Variants in PPP6R2 observed in about 807,000 individuals in gnomAD.
The protein encoded by PPP6R2 is protein phosphatase 6 regulatory subunit 2.
In PPP6R2, 62 loss-of-function variants were observed where a neutral mutation model predicts 100.2. The observed-to-expected ratio is 0.62, with a 90% CI of 0.50 to 0.76. The LOEUF (loss-of-function observed/expected upper bound fraction) is 0.76, where lower values mean the gene tolerates loss of function less well. Among genes scored for constraint, PPP6R2 ranks in the 30% least tolerant of loss-of-function variants. PPP6R2 has a pLI of 0.00. For missense variants in PPP6R2, 1,142 were observed against 1,276.3 expected (o/e 0.89, Z 1.60); for synonymous variants, 525 against 514.7 (o/e 1.02, Z -0.27).
intron 3 of PPP6R2, among the ~76,000 whole-genome samples, chr22:50,396,982 A>G (rs1185604391): frequency 6.6e-6 from 1 of 152,110 alleles, no homozygotes. Flanking sequence ...TCTGGTGACA[A>G]ATTAGAGTTG....
chr22:50,411,085 C>G (rs1392032849), intron 4 of PPP6R2, among the ~76,000 whole-genome samples: 1 of 152,164 alleles, frequency 6.6e-6, no homozygotes, highest in Non-Finnish European at 1.5e-5. Context: ...GCCCCCACAC[C>G]CGGCCTTTAA....
chr22:50,416,739 G>A (rs367670105), intron 6 of PPP6R2, among the ~76,000 whole-genome samples: 12 of 151,864 alleles, frequency 7.9e-5, no homozygotes, highest in South Asian at 6.2e-4. Context: ...GAGGCGGGCC[G>A]ATCACTTGAG....
At position 50,444,466 on chromosome 22, in the gene PPP6R2, G is replaced by A. The variant is rs2066596900; in HGVS notation, c.*219G>A. ...CACTCGTGCCCTGCTGGAGGACAGA[G>A]GGGCACCTCAGCCGCCCCCAAGCCC... On this transcript the variant is annotated 3_prime_UTR_variant, in exon 24 of 24. Transcript: ENST00000612753. 1 of 575,812 alleles carries A rather than the reference G, an allele frequency of 1.7e-6. No individual in the cohort carries two copies. Among genetic ancestry groups the A allele is most frequent in the Non-Finnish European group, 2.9e-6 (1 of 347,008 alleles). The allele number at this position is 575,812 out of a possible 1,614,324, so 35.7% of individuals were successfully genotyped here.
intron 22 of PPP6R2, 74 bp from the exon 23 acceptor site, chr22:50,443,792 T>G: frequency 6.7e-7 from 1 of 1,491,480 alleles, no homozygotes; most frequent in Non-Finnish European, 9.0e-7. Context: ...TTTGTCCAGC[T>G]GGTCCTTGGG....
chr22:50,339,320 AGT>A (rs200046677), upstream of PPP6R2, among the ~76,000 whole-genome samples: 7 of 91,846 alleles, frequency 7.6e-5, no homozygotes, highest in East Asian at 4.3e-4. Flanking sequence ...TTGTGGGTGT[AGT>A]GTGTGTGGTG....
In PPP6R2 at chr22:50,371,673, C is replaced by T. The variant is rs145171819; in HGVS notation, c.-147-347C>T. 5.3e-5 allele frequency among the ~76,000 whole-genome samples: 8 copies of T among 151,726 alleles called. No homozygotes were observed. In the East Asian group the frequency reaches 1.5e-3, roughly 29 times the overall value. On this transcript the variant is annotated intron_variant, in intron 1 of 23. Transcript: ENST00000612753. ...CTTTTTTTTGAGATGGGGTCAGTCT[C>T]TGGTCACCCAGGCTGGAGTGCAGTG...
rs1220222442 is a variant in PPP6R2, at chr22:50,438,243, G to A, written c.1909G>A (p.Asp637Asn). 1 of 1,613,828 alleles carries A rather than the reference G, an allele frequency of 6.2e-7. No individual in the cohort carries two copies. Among genetic ancestry groups the A allele is most frequent in the Non-Finnish European group, 8.5e-7 (1 of 1,180,006 alleles). Reference protein sequence around the residue: ...IQPFDDDEDEDIWEDSDTRCA... With the variant: ...IQPFDDDEDENIWEDSDTRCA... ...GCCCTTTGATGATGATGAGGACGAG[G>A]ACATCTGGGAGGACAGTGACACTCG... Residue 637 changes from aspartate to asparagine, a missense_variant, in exon 18 of 24, where the codon GAC becomes AAC. By Grantham distance (23) the Asp-to-Asn change is conservative (BLOSUM62 1). Transcript: ENST00000612753.
intron 1 of PPP6R2, among the ~76,000 whole-genome samples, chr22:50,353,055 C>T (rs1242951604): frequency 1.3e-5 from 2 of 152,158 alleles, no homozygotes; most frequent in Non-Finnish European, 2.9e-5. Context: ...CAGAGTAAGA[C>T]CTGCCTCCAA....
At chr22:50,395,634 C>CT (rs1309474221) in intron 3 of PPP6R2, among the ~76,000 whole-genome samples, 1 of 152,168 alleles carries the variant, frequency 6.6e-6, no homozygotes. Context: ...GATCTCGGCT[C>CT]ACTAGAGTCT....
intron 2 of PPP6R2, chr22:50,389,038 C>G (rs2054867449): frequency 6.6e-6 from 1 of 152,152 alleles, no homozygotes; most frequent in Admixed American, 6.6e-5. Flanking sequence ...TTGCAGTCTA[C>G]CTTCTGTCTG....
intron 5 of PPP6R2, among the ~76,000 whole-genome samples, chr22:50,415,071 C>T (rs75903225): frequency 0.019 from 2,895 of 152,274 alleles, 94 homozygotes; most frequent in African/African-American, 0.065. Flanking sequence ...AGGAGAGCCC[C>T]GGTGGACAGC....
At chr22:50,368,816 C>T (rs2049324321) in intron 1 of PPP6R2, among the ~76,000 whole-genome samples, 1 of 150,794 alleles carries the variant, frequency 6.6e-6, no homozygotes, top group Non-Finnish European at 1.5e-5. Flanking sequence ...CACCACCACA[C>T]CTGGCTAATG....
intron 1 of PPP6R2, among the ~76,000 whole-genome samples, chr22:50,359,661 T>C (rs1569285058): frequency 6.6e-6 from 1 of 152,212 alleles, no homozygotes; most frequent in Non-Finnish European, 1.5e-5. Flanking sequence ...AAAGCAAGCT[T>C]GCATTCTTGG....
chr22:50,330,783 G>A, the PPP6R2 span, among the ~76,000 whole-genome samples: 2 of 151,228 alleles, frequency 1.3e-5, no homozygotes, highest in East Asian at 3.9e-4. Context: ...TAGAGTCAGA[G>A]AAGTCAATGT....
chr22:50,398,197 AGT>A (rs1249775656), intron 3 of PPP6R2, among the ~76,000 whole-genome samples: 6 of 129,224 alleles, frequency 4.6e-5, no homozygotes, highest in African/African-American at 1.8e-4. Context: ...TCTGAGATGG[AGT>A]CTCACTCTGT....
chr22:50,414,331 G>GGCCCCCCCCC (rs2060189395), intron 4 of PPP6R2, among the ~76,000 whole-genome samples: 3 of 26,776 alleles, frequency 1.1e-4, no homozygotes, highest in Admixed American at 5.3e-4. Flanking sequence ...CTGTGCAGTG[G>GGCCCCCCCCC]CCCCCCCCCC....
chr22:50,412,231 C>T (rs750897783), intron 4 of PPP6R2, among the ~76,000 whole-genome samples: 14 of 151,786 alleles, frequency 9.2e-5, no homozygotes, highest in South Asian at 4.2e-4. Flanking sequence ...TCACTCTATC[C>T]CCCAGGCTGG....
At chr22:50,408,767 A>C (rs2059343092) in intron 4 of PPP6R2, among the ~76,000 whole-genome samples, 1 of 152,132 alleles carries the variant, frequency 6.6e-6, no homozygotes. Context: ...TTTTTCTTCC[A>C]TTCTCTCACC....
In PPP6R2 at chr22:50,423,701, C is replaced by T. The variant is rs1301260755; in HGVS notation, c.1125+87C>T. 6.6e-7 allele frequency: 1 copy of T among 1,514,018 alleles called. No homozygotes were observed. Among genetic ancestry groups the T allele is most frequent in the South Asian group, 1.2e-5 (1 of 84,662 alleles). 93.8% of individuals were successfully genotyped at this position (1,514,018 alleles called of 1,614,324 possible). A position where few individuals can be genotyped will look rare whatever the true frequency, so the allele number is the denominator to read the frequency against. ...TTGTCAGGAGCAGCAGAGCAGGGCC[C>T]CAGCATTTGGACAAAGCTCTGCCAC... On this transcript the variant is annotated intron_variant, in intron 10 of 23. Coordinates refer to ENST00000612753, the MANE Select transcript of PPP6R2 (RefSeq NM_001242898.2). The surrounding 1 kb of genome is among the most constrained non-coding windows in gnomAD (Gnocchi z 4.8).
Sources: gnomAD v4.1 joint callset for allele counts (sites outside exome capture counted in the v4.1 genomes callset) on GRCh38, gnomAD v4.1.1 for gene constraint, Gnocchi (gnomAD v3.1) non-coding constraint, MANE v1.5 for transcripts, NCBI Gene and HGNC (gene_info 2026-07-23, HGNC 2026-07-21) for gene names.